The following SERPINF1 variants were observed in gnomAD, a reference collection of about 807,000 sequenced individuals.
The protein encoded by SERPINF1 is serpin family F member 1, also known as pigment epithelium-derived factor.
SERPINF1 carries 29 observed loss-of-function variants against 37.3 expected under a neutral mutation model. That is an observed-to-expected ratio of 0.78 (90% CI 0.58 to 1.06). The LOEUF (loss-of-function observed/expected upper bound fraction) is 1.06, where lower values mean the gene tolerates loss of function less well. SERPINF1 is among the 50% of genes least tolerant of loss of function. SERPINF1 has a pLI of 0.00. For synonymous variants in SERPINF1, 281 were observed against 227.9 expected (o/e 1.23, Z -2.10); for missense variants, 553 against 532.2 (o/e 1.04, Z -0.38).
At position 1,771,788 on chromosome 17, in the gene SERPINF1, C is replaced by T. The variant is rs1735487777; in HGVS notation, c.440-84C>T. 4.3e-5 allele frequency: 61 copies of T among 1,404,304 alleles called. 1 individual carries two copies. In the South Asian group the frequency reaches 6.8e-4, roughly 16 times the overall value. 87.0% of individuals were successfully genotyped at this position (1,404,304 alleles called of 1,614,324 possible). The stretch of plus-strand genomic sequence containing the variant: ...AGTCAGGGCCTGCTGAGCGCTAAAC[C>T]AGAACCCGAGCCTGGCAGGCTCTCA... On this transcript the variant is annotated intron_variant, in intron 4 of 7. Coordinates refer to ENST00000254722, the MANE Select transcript of SERPINF1 (RefSeq NM_002615.7).
chr17:1,777,146 G>C, intron 7 of SERPINF1, 41 bp from the exon 8 acceptor site: 1 of 1,613,888 alleles, frequency 6.2e-7, no homozygotes, highest in East Asian at 2.2e-5. Context: ...GGGTGTTGGG[G>C]AAGGCAGGGT....
chr17:1,774,384 T>G lies in SERPINF1; in HGVS notation c.644-674T>G, dbSNP rs566419163. On this transcript the variant is annotated intron_variant, in intron 5 of 7. Transcript: ENST00000254722. ...CTAGTTTTTGTATTTTCAGTAGAGA[T>G]GGGGTTTCGCCATGCTGGCCAGGCT... 3.3e-5 allele frequency among the ~76,000 whole-genome samples: 5 copies of G among 152,272 alleles called. No homozygotes were observed. In the South Asian group the frequency reaches 8.3e-4, roughly 25 times the overall value.
At chr17:1,770,440 C>A in intron 3 of SERPINF1, 1 of 281,488 alleles carries the variant, frequency 3.6e-6, no homozygotes, top group Non-Finnish European at 6.7e-6. Context: ...TACCAGCTCA[C>A]TACAGAATAG....
intron 5 of SERPINF1, among the ~76,000 whole-genome samples, chr17:1,773,499 C>T (rs1276630128): frequency 2.0e-5 from 3 of 152,160 alleles, no homozygotes; most frequent in Non-Finnish European, 2.9e-5. Flanking sequence ...CCACCCGCCT[C>T]GGCCTCCCAC....
At chr17:1,762,173 G>C (rs979693302) in intron 1 of SERPINF1, 60 bp downstream of exon 1, 6 of 152,498 alleles carry the variant, frequency 3.9e-5, no homozygotes, top group African/African-American at 1.2e-4. Context: ...CCCCTGGGCT[G>C]GGGGGACAGG....
At position 1,776,584 on chromosome 17, in the gene SERPINF1, T is replaced by G. The variant is rs1908042615; in HGVS notation, c.839T>G (p.Leu280Arg). The G allele has an allele frequency of 1.9e-6, 3 of 1,614,030 alleles. 1 individual carries two copies. The East Asian group carries it at 6.7e-5, about 36-fold the overall frequency. Residue 280 changes from leucine (L) to arginine (R), a missense_variant, in exon 7 of 8, where the codon CTG becomes CGG. Physicochemically the swap from Leu to Arg is moderately radical, Grantham distance 102 (BLOSUM62 -2). Coordinates refer to ENST00000254722, the MANE Select transcript of SERPINF1 (RefSeq NM_002615.7). ...GSMSIIFFLP[L>R]KVTQNLTLIE... Reference sequence around the variant, plus strand: ...ATGAGTATCATCTTCTTCCTGCCCCTGAAAGTGACCCAGAATTTGACCTTG... The same window carrying G: ...ATGAGTATCATCTTCTTCCTGCCCCGGAAAGTGACCCAGAATTTGACCTTG...
At chr17:1,769,527 G>A (rs889691607) in intron 2 of SERPINF1, 2 of 434,662 alleles carry the variant, frequency 4.6e-6, no homozygotes, top group African/African-American at 2.0e-5. Context: ...GGGAGGCTAA[G>A]GCAGGAAAAT....
chr17:1,776,450 G>T, intron 6 of SERPINF1, 82 bp from the exon 7 acceptor site: 1 of 1,271,688 alleles, frequency 7.9e-7, no homozygotes. Flanking sequence ...CGTCACGGGA[G>T]AGGGAAGGCA....
In SERPINF1 at chr17:1,766,754, G is replaced by T. The variant is rs531292038; in HGVS notation, c.-8-149G>T. ...GCTGAGGGTCCACTTCTGGGGGCCTGGAGGGGTGAGGGGTGGTCGCTGCAG... is the reference window on the plus strand; with the variant it reads ...GCTGAGGGTCCACTTCTGGGGGCCTTGAGGGGTGAGGGGTGGTCGCTGCAG... On this transcript the variant is annotated intron_variant, in intron 1 of 7. Transcript: ENST00000254722. 24 of 691,634 alleles carry T rather than the reference G, an allele frequency of 3.5e-5. No individual in the cohort carries two copies. In the East Asian group the frequency reaches 6.0e-4, roughly 17 times the overall value. The allele number at this position is 691,634 out of a possible 1,614,324, so 42.8% of individuals were successfully genotyped here. A position where few individuals can be genotyped will look rare whatever the true frequency, so the allele number is the denominator to read the frequency against.
rs753681259 is a variant in SERPINF1 at position 1,769,967 on chromosome 17, G to A, written c.200G>A (p.Arg67Gln). The A allele has an allele frequency of 1.2e-5, 20 of 1,614,164 alleles. No individual in the cohort carries two copies. Among genetic ancestry groups the A allele is most frequent in the South Asian group, 4.4e-5 (4 of 91,088 alleles). The change falls in exon 3 of 8, where the codon CGG becomes CAG. Residue 67 changes from arginine (R) to glutamine (Q), a missense_variant. Coordinates refer to ENST00000254722, the MANE Select transcript of SERPINF1 (RefSeq NM_002615.7). The part of the protein sequence containing the change: ...AVSNFGYDLY[R>Q]VRSSTSPTTN... Reference sequence around the variant, plus strand: ...TCCAACTTCGGCTATGACCTGTACCGGGTGCGATCCAGCACGAGCCCCACG... The same window carrying A: ...TCCAACTTCGGCTATGACCTGTACCAGGTGCGATCCAGCACGAGCCCCACG...
chr17:1,771,820 G>T, intron 4 of SERPINF1, 52 bp from the exon 5 acceptor site: 1 of 1,565,232 alleles, frequency 6.4e-7, no homozygotes, highest in Non-Finnish European at 8.7e-7. Flanking sequence ...CTCAAAGACG[G>T]GATGCTTGTC....
intron 5 of SERPINF1, among the ~76,000 whole-genome samples, chr17:1,773,548 A>T (rs1169116748): frequency 6.6e-6 from 1 of 152,226 alleles, no homozygotes; most frequent in African/African-American, 2.4e-5. Context: ...GCGCTGGCCA[A>T]ATCAGACAAG....
chr17:1,774,008 TTAAAC>T (rs1318583409), intron 5 of SERPINF1, among the ~76,000 whole-genome samples: 7 of 152,172 alleles, frequency 4.6e-5, no homozygotes. Context: ...ATAGGTCACA[TTAAAC>T]TAAAGGGGCT....
intron 1 of SERPINF1, among the ~76,000 whole-genome samples, chr17:1,764,925 C>G (rs896124177): frequency 3.4e-5 from 5 of 147,452 alleles, no homozygotes; most frequent in African/African-American, 1.2e-4. Flanking sequence ...CTCACTGCAA[C>G]CTCCACTTCC....
intron 5 of SERPINF1, among the ~76,000 whole-genome samples, chr17:1,772,589 T>G (rs1228581788): frequency 1.4e-5 from 2 of 142,034 alleles, no homozygotes; most frequent in Non-Finnish European, 3.0e-5. Flanking sequence ...GACAGAGTCT[T>G]GCTCTGTCAC....
intron 3 of SERPINF1, chr17:1,770,611 C>T (rs576794111): frequency 3.8e-6 from 1 of 263,402 alleles, no homozygotes; most frequent in South Asian, 4.3e-5. Context: ...AGGCACCTGC[C>T]ATCATGCCCA....
At chr17:1,765,276 G>A (rs1230826097) in intron 1 of SERPINF1, among the ~76,000 whole-genome samples, 1 of 151,876 alleles carries the variant, frequency 6.6e-6, no homozygotes, top group African/African-American at 2.4e-5. Context: ...CCAAGTAGCT[G>A]GGACTACAGG....
At chr17:1,765,614 G>GC (rs1907326198) in intron 1 of SERPINF1, among the ~76,000 whole-genome samples, 1 of 152,046 alleles carries the variant, frequency 6.6e-6, no homozygotes, top group Admixed American at 6.6e-5. Flanking sequence ...GAGCCACTGT[G>GC]CTCGGTAGTT....
intron 1 of SERPINF1, 23 bp from the exon 2 acceptor site, chr17:1,766,880 G>A: frequency 6.5e-7 from 1 of 1,548,780 alleles, no homozygotes; most frequent in African/African-American, 1.4e-5. Context: ...AGAGCGGCTT[G>A]CTGCCTCGTT....
Sources: gnomAD v4.1 joint callset for allele counts (sites outside exome capture counted in the v4.1 genomes callset) on GRCh38, gnomAD v4.1.1 for gene constraint, MANE v1.5 for transcripts, NCBI Gene and HGNC (gene_info 2026-07-23, HGNC 2026-07-21) for gene names.